GABRB2: variants seen among roughly 807,000 people sequenced by gnomAD.
GABRB2 encodes gamma-aminobutyric acid receptor subunit beta-2.
GABRB2 carries 16 observed loss-of-function variants against 54.7 expected under a neutral mutation model. That is an observed-to-expected ratio of 0.29 (90% CI 0.20 to 0.44). GABRB2 has a LOEUF of 0.44. Ranked by LOEUF, GABRB2 falls within the 20% of genes least tolerant of loss-of-function variation. The probability of loss-of-function intolerance (pLI) is 1.00; values close to 1 mark genes in which losing one functional copy is unlikely to be tolerated. For synonymous variants in GABRB2, 244 were observed against 233.8 expected (o/e 1.04, Z -0.40); for missense variants, 355 against 644.0 (o/e 0.55, Z 4.86).
At chr5:161,491,463 A>G (rs1759090856) in intron 3 of GABRB2, among the ~76,000 whole-genome samples, 2 of 151,720 alleles carry the variant, frequency 1.3e-5, no homozygotes, top group African/African-American at 4.8e-5. Flanking sequence ...TTAAACTATT[A>G]GAATAATTAC....
At chr5:161,429,117 C>T (rs1211456109) in intron 4 of GABRB2, among the ~76,000 whole-genome samples, 8 of 151,434 alleles carry the variant, frequency 5.3e-5, no homozygotes, top group Admixed American at 2.6e-4. Flanking sequence ...GAGGCTGAGG[C>T]AGGCAGATCA....
chr5:161,481,928 A>G (rs1758774429), intron 3 of GABRB2, among the ~76,000 whole-genome samples: 1 of 152,002 alleles, frequency 6.6e-6, no homozygotes, highest in African/African-American at 2.4e-5. Context: ...CAAGGAATCC[A>G]ATACTTAGAA....
chr5:161,450,652 C>A (rs1050181703), intron 4 of GABRB2, among the ~76,000 whole-genome samples: 5 of 152,092 alleles, frequency 3.3e-5, no homozygotes, highest in African/African-American at 9.7e-5. Context: ...GGTTTGCCAT[C>A]GTCTCTAGGA....
In GABRB2 at chr5:161,481,628, T is replaced by C. The variant is rs79244748; in HGVS notation, c.238-21784A>G. On this transcript the variant is annotated intron_variant, in intron 3 of 9. Coordinates refer to ENST00000393959, the MANE Select transcript of GABRB2 (RefSeq NM_001371727.1). ...CTCATCCAGAGCAGAAGGATGCTAATAGTATACAGTTCATTCCATCAAAAA... is the reference window on the plus strand; with the variant it reads ...CTCATCCAGAGCAGAAGGATGCTAACAGTATACAGTTCATTCCATCAAAAA... 3.5e-3 allele frequency among the ~76,000 whole-genome samples: 537 copies of C among 152,180 alleles called. 1 individual carries two copies. Among genetic ancestry groups the C allele is most frequent in the African/African-American group, 0.011 (477 of 41,566 alleles).
intron 7 of GABRB2, among the ~76,000 whole-genome samples, chr5:161,333,984 C>T (rs1289199863): frequency 1.3e-5 from 2 of 152,172 alleles, no homozygotes; most frequent in Non-Finnish European, 2.9e-5. Context: ...ACTGCTCTAT[C>T]TCCAGTGCTT....
intron 3 of GABRB2, among the ~76,000 whole-genome samples, chr5:161,543,839 A>G (rs1458963056): frequency 6.6e-6 from 1 of 152,208 alleles, no homozygotes; most frequent in Non-Finnish European, 1.5e-5. Flanking sequence ...ATGTGAGGGA[A>G]ATTTTTGGTT....
At chr5:161,346,346 C>T (rs13159332) in intron 5 of GABRB2, among the ~76,000 whole-genome samples, 4,021 of 151,980 alleles carry the variant, frequency 0.026, 72 homozygotes, top group Non-Finnish European at 0.034. Flanking sequence ...TGTTCCCTGG[C>T]GAAAAGTGGA....
intron 9 of GABRB2, among the ~76,000 whole-genome samples, chr5:161,302,074 T>G (rs375817684): frequency 3.9e-5 from 6 of 152,226 alleles, no homozygotes; most frequent in East Asian, 3.9e-4. Flanking sequence ...CAGATGATCC[T>G]CTGTGAATGA....
rs1473728574 is a variant in GABRB2 at position 161,460,268 on chromosome 5, A to ATATATG, written c.238-425_238-424insCATATA. Among the ~76,000 whole-genome samples the ATATATG allele has an allele frequency of 2.7e-3, 399 of 148,652 alleles. 1 individual carries two copies. Among genetic ancestry groups the ATATATG allele is most frequent in the African/African-American group, 8.0e-3 (324 of 40,504 alleles). ...GCCAAGAAAACAAATTTATATATATATGTGTGTGTGTGTGTGTGTGTGTGT... is the reference window on the plus strand; with the variant it reads ...GCCAAGAAAACAAATTTATATATATATATATGTGTGTGTGTGTGTGTGTGTGTGTGT... On this transcript the variant is annotated intron_variant, in intron 3 of 9. Coordinates refer to ENST00000393959, the MANE Select transcript of GABRB2 (RefSeq NM_001371727.1).
At chr5:161,418,195 T>C (rs1261951568) in intron 4 of GABRB2, among the ~76,000 whole-genome samples, 1 of 152,244 alleles carries the variant, frequency 6.6e-6, no homozygotes, top group Non-Finnish European at 1.5e-5. Context: ...AACAAAAATC[T>C]CATTTTTGTG....
At chr5:161,455,134 A>C (rs2113249041) in intron 4 of GABRB2, among the ~76,000 whole-genome samples, 1 of 152,338 alleles carries the variant, frequency 6.6e-6, no homozygotes, top group East Asian at 1.9e-4. Context: ...GCATGCTTAA[A>C]TTTCTTGCTA....
intron 3 of GABRB2, among the ~76,000 whole-genome samples, chr5:161,502,283 G>T (rs1019463132): frequency 2.6e-5 from 4 of 151,650 alleles, no homozygotes; most frequent in Non-Finnish European, 5.9e-5. Context: ...TATAAATTAT[G>T]ATAAAAATAG....
intron 4 of GABRB2, among the ~76,000 whole-genome samples, chr5:161,438,393 T>G (rs991439275): frequency 6.6e-6 from 1 of 152,136 alleles, no homozygotes; most frequent in South Asian, 2.1e-4. Context: ...TGCAAATCAT[T>G]TCAAACATCT....
intron 4 of GABRB2, among the ~76,000 whole-genome samples, chr5:161,421,776 A>G (rs1756861137): frequency 6.6e-6 from 1 of 152,174 alleles, no homozygotes. Flanking sequence ...TCAGTGACCA[A>G]TGGTCAGGGA....
chr5:161,461,229 A>G (rs1048320185), intron 3 of GABRB2, among the ~76,000 whole-genome samples: 7 of 152,206 alleles, frequency 4.6e-5, no homozygotes, highest in African/African-American at 1.7e-4. Flanking sequence ...CGACATGTAC[A>G]CTGAGGCTAA....
chr5:161,418,867 C>T (rs1756761264), intron 4 of GABRB2, among the ~76,000 whole-genome samples: 1 of 152,038 alleles, frequency 6.6e-6, no homozygotes, highest in Non-Finnish European at 1.5e-5. Flanking sequence ...TGGCTCACAC[C>T]TATAATCCCA....
intron 5 of GABRB2, among the ~76,000 whole-genome samples, chr5:161,388,667 C>T (rs990364838): frequency 6.6e-6 from 1 of 151,730 alleles, no homozygotes; most frequent in African/African-American, 2.4e-5. Flanking sequence ...AATTCTTATA[C>T]CATACAACAT....
intron 3 of GABRB2, among the ~76,000 whole-genome samples, chr5:161,544,929 T>C (rs974849832): frequency 1.3e-5 from 2 of 152,164 alleles, no homozygotes; most frequent in Non-Finnish European, 2.9e-5. Flanking sequence ...GGGTTTCTCA[T>C]TGAGCCTGAG....
At chr5:161,413,680 A>G (rs1328797791) in intron 4 of GABRB2, among the ~76,000 whole-genome samples, 1 of 152,218 alleles carries the variant, frequency 6.6e-6, no homozygotes, top group Non-Finnish European at 1.5e-5. Flanking sequence ...CATATTAAAC[A>G]CCAATGCTAT....
Sources: gnomAD v4.1 joint callset for allele counts (sites outside exome capture counted in the v4.1 genomes callset) on GRCh38, gnomAD v4.1.1 for gene constraint, MANE v1.5 for transcripts, NCBI Gene and HGNC (gene_info 2026-07-23, HGNC 2026-07-21) for gene names.